The following IL4R variants were observed in gnomAD, a reference collection of about 807,000 sequenced individuals.
IL4R encodes interleukin-4 receptor subunit alpha.
A neutral mutation model predicts 41.5 loss-of-function variants in IL4R; 17 were observed. The observed-to-expected ratio is 0.41, with a 90% CI of 0.28 to 0.61. The LOEUF is 0.61. Ranked by LOEUF, IL4R falls within the 20% of genes least tolerant of loss-of-function variation. IL4R has a pLI of 0.31. For synonymous variants in IL4R, 402 were observed against 422.9 expected (o/e 0.95, Z 0.61); for missense variants, 974 against 1,043.1 (o/e 0.93, Z 0.91).
chr16:27,344,722 C>T (rs939210835), intron 4 of IL4R, 147 bp from the exon 5 acceptor site: 18 of 825,548 alleles, frequency 2.2e-5, no homozygotes, highest in Non-Finnish European at 2.8e-5. Context: ...ACACCCTGGC[C>T]GCTCCCAAGC....
At chr16:27,318,175 C>T (rs1373216037) in intron 1 of IL4R, among the ~76,000 whole-genome samples, 1 of 152,196 alleles carries the variant, frequency 6.6e-6, no homozygotes, top group Non-Finnish European at 1.5e-5. Flanking sequence ...GTGTGATGCT[C>T]AGATGTCTTT....
intron 10 of IL4R, among the ~76,000 whole-genome samples, chr16:27,361,267 T>C (rs2086274135): frequency 6.6e-6 from 1 of 151,772 alleles, no homozygotes; most frequent in African/African-American, 2.4e-5. Flanking sequence ...GCCTCCCGAG[T>C]AGCTGATACT....
chr16:27,361,831 G>A (rs1196350522), intron 10 of IL4R, among the ~76,000 whole-genome samples: 2 of 151,734 alleles, frequency 1.3e-5, no homozygotes, highest in African/African-American at 4.8e-5. Flanking sequence ...TGTTGCCCAG[G>A]CTGTTCTCAA....
At chr16:27,347,030 G>A (rs3024578) in intron 6 of IL4R, among the ~76,000 whole-genome samples, 8,784 of 152,252 alleles carry the variant, frequency 0.058, 360 homozygotes, top group Middle Eastern at 0.085. Context: ...GGTTAAGGAG[G>A]AAGTCCCCAT....
At chr16:27,349,807 G>C (rs1258431959) in intron 6 of IL4R, among the ~76,000 whole-genome samples, 1 of 152,096 alleles carries the variant, frequency 6.6e-6, no homozygotes, top group Non-Finnish European at 1.5e-5. Flanking sequence ...TGGAATGCAG[G>C]GGCGTGATCA....
chr16:27,324,881 CA>C (rs1162560276), intron 1 of IL4R, among the ~76,000 whole-genome samples: 2 of 152,280 alleles, frequency 1.3e-5, no homozygotes, highest in Admixed American at 6.5e-5. Flanking sequence ...TCCTCCCCAC[CA>C]CCCCAGCCTG....
intron 4 of IL4R, 88 bp from the exon 5 acceptor site, chr16:27,344,781 T>A: frequency 7.6e-7 from 1 of 1,311,088 alleles, no homozygotes; most frequent in South Asian, 1.3e-5. Context: ...AAGAGTCTGA[T>A]GCGGTTCCTG....
At position 27,363,643 on chromosome 16, in the gene IL4R, C is replaced by G. The variant is rs561287291; in HGVS notation, c.2291C>G (p.Pro764Arg). The G allele has an allele frequency of 6.2e-7, 1 of 1,613,864 alleles. No homozygotes were observed. Among genetic ancestry groups the G allele is most frequent in the Non-Finnish European group, 8.5e-7 (1 of 1,179,958 alleles). ...ACAACCCCCCTGAGGGCCCCAGACC[C>G]CTCTCCAGGTGGGGTTCCACTGGAG... is the stretch of plus-strand genomic sequence containing the variant. The part of the protein sequence containing the change: ...PPTTPLRAPD[P>R]SPGGVPLEAS... Residue 764 changes from proline to arginine, a missense_variant, in exon 11 of 11, where the codon CCC (proline) becomes CGC (arginine). Pro to Arg is a moderately radical substitution (Grantham distance 103, BLOSUM62 -2). Around this residue, in one of 3 missense-constraint regions of IL4R, gnomAD observed 682 missense variants for 704.3 expected, o/e 0.97. Coordinates refer to ENST00000395762, the MANE Select transcript of IL4R (RefSeq NM_000418.4).
chr16:27,358,833 T>C (rs1213269431), intron 8 of IL4R, 83 bp from the exon 9 acceptor site: 1 of 983,372 alleles, frequency 1.0e-6, no homozygotes, highest in Middle Eastern at 2.1e-4. Flanking sequence ...CAAATAAGTA[T>C]TGGTGATAAC....
chr16:27,333,141 G>C (rs2061903781), intron 2 of IL4R, among the ~76,000 whole-genome samples: 1 of 151,286 alleles, frequency 6.6e-6, no homozygotes, highest in African/African-American at 2.4e-5. Context: ...ATATTCTGCT[G>C]TTGTGAGATG....
chr16:27,352,814 A>G, intron 7 of IL4R, 118 bp downstream of exon 7: 2 of 1,022,364 alleles, frequency 2.0e-6, no homozygotes, highest in East Asian at 2.4e-5. Context: ...TCTAATGGCA[A>G]TCCTGCCATT....
Position 27,336,817 on chromosome 16 carries a change from G to C in IL4R, c.-18-3369G>C, listed in dbSNP as rs578109314. Among the ~76,000 whole-genome samples the C allele has an allele frequency of 2.5e-4, 38 of 151,932 alleles. 1 individual carries two copies. The highest frequency in any genetic ancestry group is 2.5e-3 in the Admixed American group (38 of 15,236). On this transcript the variant is annotated intron_variant, in intron 2 of 10. Coordinates refer to ENST00000395762, the MANE Select transcript of IL4R (RefSeq NM_000418.4). ...GTGGCAGCCGGGCTCAGTGGCTCAC[G>C]CCTGTAATCCCAGCACTTTGGGAGG...
At chr16:27,347,323 C>T (rs3024579) in intron 6 of IL4R, among the ~76,000 whole-genome samples, 1,845 of 152,122 alleles carry the variant, frequency 0.012, 42 homozygotes, top group African/African-American at 0.042. Flanking sequence ...CCTGAGCAGC[C>T]GGGACTACAG....
intron 8 of IL4R, among the ~76,000 whole-genome samples, chr16:27,358,702 C>T (rs1016670140): frequency 6.6e-6 from 1 of 152,174 alleles, no homozygotes; most frequent in Non-Finnish European, 1.5e-5. Flanking sequence ...GTCACTCCAC[C>T]TCCTTGGGCC....
intron 4 of IL4R, among the ~76,000 whole-genome samples, chr16:27,344,337 C>T (rs138670500): frequency 0.012 from 1,772 of 145,476 alleles, 47 homozygotes; most frequent in African/African-American, 0.043. Flanking sequence ...ACAAAAAACT[C>T]GTACCCCCTA....
chr16:27,360,180 A>G (rs562171280), intron 9 of IL4R, among the ~76,000 whole-genome samples: 2 of 152,060 alleles, frequency 1.3e-5, no homozygotes, highest in Admixed American at 6.5e-5. Flanking sequence ...ACGCCAGGCT[A>G]ATTTTGTATT....
intron 3 of IL4R, chr16:27,341,387 TAA>T (rs2085437281): frequency 1.7e-6 from 1 of 586,148 alleles, no homozygotes; most frequent in East Asian, 2.8e-5. Context: ...ATTTGCTATC[TAA>T]GACAGCTCCT....
At chr16:27,339,982 G>A (rs528316170) in intron 2 of IL4R, among the ~76,000 whole-genome samples, 2 of 152,180 alleles carry the variant, frequency 1.3e-5, no homozygotes, top group South Asian at 2.1e-4. Flanking sequence ...GCTTGAACCC[G>A]GGAGGTGGAG....
At chr16:27,354,707 G>C (rs974499368) in intron 7 of IL4R, among the ~76,000 whole-genome samples, 2 of 152,228 alleles carry the variant, frequency 1.3e-5, no homozygotes, top group Non-Finnish European at 2.9e-5. Flanking sequence ...AAGGGCTGTC[G>C]TAAAAACTCA....
Sources: allele counts gnomAD v4.1 joint callset (sites outside exome capture counted in the v4.1 genomes callset), GRCh38; gene constraint gnomAD v4.1.1; regional missense constraint gnomAD v4.1.1; transcripts MANE v1.5; gene names NCBI Gene and HGNC (gene_info 2026-07-23, HGNC 2026-07-21).